MALRD1: variants seen among roughly 807,000 people sequenced by gnomAD.
MALRD1 encodes the protein MAM and LDL receptor class A domain containing 1, also known as MAM and LDL-receptor class A domain-containing protein 1.
A neutral mutation model predicts 242.1 loss-of-function variants in MALRD1; 247 were observed. That is an observed-to-expected ratio of 1.02 (90% CI 0.92 to 1.13). The LOEUF is 1.13. MALRD1 is among the 50% of genes most tolerant of loss of function. The pLI is 0.00. For missense variants in MALRD1, 2,989 were observed against 2,533.1 expected, an observed-to-expected ratio of 1.18 and a Z score of -3.86; for synonymous variants, 995 against 866.6, an observed-to-expected ratio of 1.15 and a Z score of -2.60.
At chr10:19,376,087 A>G (rs2130766706) in intron 26 of MALRD1, among the ~76,000 whole-genome samples, 1 of 152,344 alleles carries the variant, frequency 6.6e-6, no homozygotes, top group East Asian at 1.9e-4. Flanking sequence ...GCACCACTGT[A>G]CTCCAGCCTG....
chr10:19,566,298 ATTTTTTTTTTT>A lies in MALRD1; in HGVS notation c.5479-1189_5479-1179del, dbSNP rs10548629. 1.5e-3 allele frequency among the ~76,000 whole-genome samples: 167 copies of A among 111,054 alleles called. 1 individual carries two copies. Among genetic ancestry groups the A allele is most frequent in the African/African-American group, 4.9e-3 (150 of 30,782 alleles). 72.9% of individuals were successfully genotyped at this position (111,054 alleles called of 152,430 possible). On this transcript the variant is annotated intron_variant, in intron 32 of 39. Transcript: ENST00000454679. ...GGGCACCTGCCACCATGCCTGGCTA[ATTTTTTTTTTT>A]TTTTTTTTTTTTTTGTATTTTTAGT...
intron 13 of MALRD1, among the ~76,000 whole-genome samples, chr10:19,172,665 GT>G (rs961443825): frequency 1.5e-4 from 22 of 150,866 alleles, no homozygotes; most frequent in East Asian, 9.8e-4. Context: ...TCAAACTGTC[GT>G]TTTTTTTCCT....
At chr10:19,716,103 G>C (rs761505796) in intron 38 of MALRD1, among the ~76,000 whole-genome samples, 2 of 152,212 alleles carry the variant, frequency 1.3e-5, no homozygotes, top group Non-Finnish European at 2.9e-5. Context: ...GTGAGGGCTA[G>C]TGTGGGATTC....
intron 4 of MALRD1, among the ~76,000 whole-genome samples, chr10:19,095,541 A>G (rs996736784): frequency 6.6e-6 from 1 of 152,158 alleles, no homozygotes; most frequent in Non-Finnish European, 1.5e-5. Flanking sequence ...CATTCACTTA[A>G]GAAAGATTAA....
At chr10:19,304,494 G>A (rs768785783) in intron 21 of MALRD1, among the ~76,000 whole-genome samples, 5 of 151,554 alleles carry the variant, frequency 3.3e-5, no homozygotes, top group Admixed American at 6.6e-5. Flanking sequence ...ATTCCTTAGC[G>A]CTTGCATTAA....
At position 19,201,647 on chromosome 10, in the gene MALRD1, A is replaced by G. The variant is rs536082877; in HGVS notation, c.1952-2081A>G. Among the ~76,000 whole-genome samples, 122 of 152,268 alleles carry G rather than the reference A, an allele frequency of 8.0e-4. 1 individual carries two copies. The highest frequency in any genetic ancestry group is 2.9e-3 in the African/African-American group (119 of 41,560). ...AGACACTTTGAAAACCCTGGACTCT[A>G]TGTATATTTATGTGTTGTTTGCATA... On this transcript the variant is annotated intron_variant, in intron 14 of 39. Coordinates refer to ENST00000454679, the MANE Select transcript of MALRD1 (RefSeq NM_001142308.3).
At chr10:19,079,045 G>C (rs1032502012) in intron 2 of MALRD1, among the ~76,000 whole-genome samples, 2 of 149,832 alleles carry the variant, frequency 1.3e-5, no homozygotes, top group Admixed American at 6.7e-5. Flanking sequence ...GCTTGCTTTG[G>C]GTTTAGTTTT....
intron 33 of MALRD1, among the ~76,000 whole-genome samples, chr10:19,583,116 AT>A (rs1424038810): frequency 9.4e-6 from 1 of 106,284 alleles, no homozygotes; most frequent in Non-Finnish European, 1.9e-5. Context: ...GCTTAAGGAG[AT>A]TTTGGGCTGA....
intron 32 of MALRD1, among the ~76,000 whole-genome samples, chr10:19,554,994 A>G (rs542617309): frequency 6.6e-6 from 1 of 152,240 alleles, no homozygotes; most frequent in African/African-American, 2.4e-5. Context: ...TGGCTGAACT[A>G]GTTTACATTC....
chr10:19,696,316 G>A (rs887432927), intron 38 of MALRD1, among the ~76,000 whole-genome samples: 4 of 151,970 alleles, frequency 2.6e-5, no homozygotes, highest in African/African-American at 4.8e-5. Flanking sequence ...GCAAGATAAG[G>A]GCTCACTAAA....
At position 19,157,463 on chromosome 10, in the gene MALRD1, G is replaced by A. The variant is rs112607251; in HGVS notation, c.1656+2291G>A. On this transcript the variant is annotated intron_variant, in intron 12 of 39. Coordinates refer to ENST00000454679, the MANE Select transcript of MALRD1 (RefSeq NM_001142308.3). ...GGGGTTTCACCATGTTATCCAGGAT[G>A]GTCTCGATCTCCTGACCTCGTGATT... 3.8e-3 allele frequency among the ~76,000 whole-genome samples: 576 copies of A among 151,882 alleles called. 4 individuals are homozygous for A. The highest frequency in any genetic ancestry group is 0.013 in the African/African-American group (524 of 41,444).
intron 36 of MALRD1, among the ~76,000 whole-genome samples, chr10:19,681,437 T>C (rs1198721061): frequency 6.6e-6 from 1 of 152,140 alleles, no homozygotes; most frequent in African/African-American, 2.4e-5. Context: ...TTTACTCTGC[T>C]TGGTCAGTTT....
chr10:19,378,465 T>C (rs1191149716), intron 26 of MALRD1, among the ~76,000 whole-genome samples: 4 of 152,182 alleles, frequency 2.6e-5, no homozygotes, highest in Admixed American at 1.3e-4. Flanking sequence ...CAGCAAAGTC[T>C]TAAGACATGC....
chr10:19,367,925 A>C (rs1030779732), intron 26 of MALRD1, among the ~76,000 whole-genome samples: 1 of 151,854 alleles, frequency 6.6e-6, no homozygotes, highest in Non-Finnish European at 1.5e-5. Flanking sequence ...GTTTGTTCAG[A>C]TCATTTGCCT....
At chr10:19,384,012 C>T (rs1845947913) in intron 26 of MALRD1, among the ~76,000 whole-genome samples, 1 of 151,712 alleles carries the variant, frequency 6.6e-6, no homozygotes, top group Non-Finnish European at 1.5e-5. Context: ...AGAAAAAAGA[C>T]TTAAGGTCTG....
intron 21 of MALRD1, among the ~76,000 whole-genome samples, chr10:19,315,031 A>G (rs1373446197): frequency 7.0e-6 from 1 of 143,040 alleles, no homozygotes; most frequent in Non-Finnish European, 1.5e-5. Flanking sequence ...ATATAAATAT[A>G]ATTTATATAA....
At chr10:19,602,929 C>T (rs1038945480) in intron 34 of MALRD1, among the ~76,000 whole-genome samples, 1 of 152,140 alleles carries the variant, frequency 6.6e-6, no homozygotes, top group African/African-American at 2.4e-5. Context: ...TTTTGATTTG[C>T]ATTTCTCTGA....
rs558857609 is a variant in MALRD1 at position 19,292,752 on chromosome 10, G to C, written c.3419+9571G>C. ...CTAAAAATACAAAAAAATTAGCCGGGCATGGTGGCGGGCGCCTGTAGTCCC... is the reference window on the plus strand; with the variant it reads ...CTAAAAATACAAAAAAATTAGCCGGCCATGGTGGCGGGCGCCTGTAGTCCC... On this transcript the variant is annotated intron_variant, in intron 21 of 39. Coordinates refer to ENST00000454679, the MANE Select transcript of MALRD1 (RefSeq NM_001142308.3). Among the ~76,000 whole-genome samples the C allele has an allele frequency of 3.0e-3, 454 of 152,046 alleles. 10 individuals are homozygous for C. The highest frequency in any genetic ancestry group is 0.028 in the Admixed American group (421 of 15,250).
chr10:19,238,468 A>ATAATGTATATTATATATT (rs373763200), intron 18 of MALRD1, among the ~76,000 whole-genome samples: 1 of 38,066 alleles, frequency 2.6e-5, no homozygotes, highest in African/African-American at 1.6e-4. Context: ...TATATAATAT[A>ATAATGTATATTATATATT]ATATATAATA....
Sources: allele counts gnomAD v4.1 joint callset (sites outside exome capture counted in the v4.1 genomes callset), GRCh38; gene constraint gnomAD v4.1.1; transcripts MANE v1.5; gene names NCBI Gene and HGNC (gene_info 2026-07-23, HGNC 2026-07-21).